Variants in FOXN3 observed in about 807,000 individuals in gnomAD.
The protein encoded by FOXN3 is forkhead box protein N3.
Under a neutral mutation model 38.4 loss-of-function variants are expected in FOXN3, and 7 were observed. The observed-to-expected ratio is 0.18, with a 90% CI of 0.10 to 0.34. The LOEUF is 0.34. Among genes scored for constraint, FOXN3 ranks in the 10% least tolerant of loss-of-function variants. The probability of loss-of-function intolerance (pLI) is 1.00; values close to 1 mark genes in which losing one functional copy is unlikely to be tolerated. For missense variants in FOXN3, 456 were observed against 613.4 expected (o/e 0.74, Z 2.71); for synonymous variants, 230 against 242.2 (o/e 0.95, Z 0.47).
At chr14:89,295,425 G>A (rs1035921877) in intron 3 of FOXN3, among the ~76,000 whole-genome samples, 1 of 152,100 alleles carries the variant, frequency 6.6e-6, no homozygotes, top group African/African-American at 2.4e-5. Context: ...CTTGGCAGAC[G>A]TCACGTGAGC....
chr14:89,360,698 T>TACCACCACCTCCACC (rs1889450780), intron 2 of FOXN3, among the ~76,000 whole-genome samples: 2 of 143,326 alleles, frequency 1.4e-5, no homozygotes, highest in Non-Finnish European at 3.1e-5. Context: ...CATCCTCAGC[T>TACCACCACCTCCACC]ACCACCACCT....
intron 4 of FOXN3, among the ~76,000 whole-genome samples, chr14:89,266,292 G>C (rs966496651): frequency 6.6e-6 from 1 of 152,154 alleles, no homozygotes; most frequent in Admixed American, 6.5e-5. Flanking sequence ...ACTTCTCACT[G>C]TGTCCTCACG....
At chr14:89,174,290 C>T (rs1887463350) in intron 5 of FOXN3, among the ~76,000 whole-genome samples, 1 of 152,058 alleles carries the variant, frequency 6.6e-6, no homozygotes, top group Non-Finnish European at 1.5e-5. Context: ...CTTCCAGCAG[C>T]CCTAGAATTC....
chr14:89,291,178 T>C, intron 3 of FOXN3: 1 of 476,316 alleles, frequency 2.1e-6, no homozygotes, highest in East Asian at 5.6e-5. Context: ...GGCACAGTTA[T>C]GCAGCCAAGG....
chr14:89,460,465 G>A (rs115502612), intron 1 of FOXN3, among the ~76,000 whole-genome samples: 34 of 152,272 alleles, frequency 2.2e-4, no homozygotes, highest in African/African-American at 4.8e-4. Flanking sequence ...GAGAAACACC[G>A]TCAGAGTGCA....
intron 3 of FOXN3, chr14:89,291,197 G>C: frequency 2.2e-6 from 1 of 449,336 alleles, no homozygotes; most frequent in Admixed American, 2.6e-5. Context: ...GGGCAGGGAG[G>C]CTTTTGCTGA....
intron 3 of FOXN3, among the ~76,000 whole-genome samples, chr14:89,298,796 T>C (rs530431792): frequency 6.6e-6 from 1 of 152,358 alleles, no homozygotes; most frequent in South Asian, 2.1e-4. Context: ...AGCTCAAGGA[T>C]TCTGAGATGT....
At chr14:89,526,831 A>C (rs958467718) in intron 1 of FOXN3, among the ~76,000 whole-genome samples, 1 of 152,224 alleles carries the variant, frequency 6.6e-6, no homozygotes, top group African/African-American at 2.4e-5. Context: ...CTTACAGTAC[A>C]TGACTTTAAG....
chr14:89,185,216 T>G (rs570737335), intron 4 of FOXN3, among the ~76,000 whole-genome samples: 2 of 152,326 alleles, frequency 1.3e-5, no homozygotes, highest in African/African-American at 4.8e-5. Flanking sequence ...GATGTGCTCG[T>G]GTTTGCTCAC....
intron 3 of FOXN3, among the ~76,000 whole-genome samples, chr14:89,293,706 C>T (rs1245695394): frequency 6.6e-6 from 1 of 152,160 alleles, no homozygotes; most frequent in Admixed American, 6.5e-5. Context: ...AGGGCACATT[C>T]TGAGGAACTG....
rs1894132971 is a variant in FOXN3 at position 89,513,241 on chromosome 14, C to T, written c.-14-100751G>A. Among the ~76,000 whole-genome samples, 3 of 151,740 alleles carry T rather than the reference C, an allele frequency of 2.0e-5. No individual in the cohort carries two copies. In the South Asian group the frequency reaches 6.2e-4, roughly 31 times the overall value. ...TTCCCAAATGTGATTTCCACAGTCC[C>T]ATCCTGTTTCTTTTCTTCCCTCTTT... On this transcript the variant is annotated intron_variant, in intron 1 of 6. Coordinates refer to the FOXN3 transcript ENST00000345097.
In FOXN3 at chr14:89,315,615, G is replaced by A. The variant is rs182566066; in HGVS notation, c.681-34601C>T. On this transcript the variant is annotated intron_variant, in intron 3 of 5. Coordinates refer to ENST00000557258, the MANE Select transcript of FOXN3 (RefSeq NM_005197.4). ...ACAGGCAGACCCCAGAATTGCTGTCGAACAGAATGAATATGCAGCTCAGAC... is the reference window on the plus strand; with the variant it reads ...ACAGGCAGACCCCAGAATTGCTGTCAAACAGAATGAATATGCAGCTCAGAC... Among the ~76,000 whole-genome samples the A allele has an allele frequency of 5.5e-4, 84 of 152,282 alleles. 1 individual carries two copies. Among genetic ancestry groups the A allele is most frequent in the African/African-American group, 1.9e-3 (80 of 41,550 alleles).
At chr14:89,386,277 T>C (rs1215573721) in intron 2 of FOXN3, among the ~76,000 whole-genome samples, 1 of 152,192 alleles carries the variant, frequency 6.6e-6, no homozygotes, top group Non-Finnish European at 1.5e-5. Context: ...AGAAATGAAA[T>C]ATAAGGCAAC....
chr14:89,412,762 G>A lies in FOXN3; in HGVS notation c.-14-272C>T, dbSNP rs559422919. Among the ~76,000 whole-genome samples the A allele has an allele frequency of 6.6e-6, 1 of 152,274 alleles. No individual in the cohort carries two copies. The highest frequency in any genetic ancestry group is 2.1e-4 in the South Asian group (1 of 4,824). On this transcript the variant is annotated intron_variant, in intron 1 of 5. Transcript: ENST00000557258. This position sits in a 1 kb window ranked among gnomAD's most constrained non-coding sequence, Gnocchi z 4.7. ...AAGACCAGTAACACCGGCCAGGCAC[G>A]GTGGCTCACGCCTGTAATCCCAGCA...
intron 4 of FOXN3, among the ~76,000 whole-genome samples, chr14:89,236,891 C>T (rs957921158): frequency 1.3e-5 from 2 of 152,222 alleles, no homozygotes; most frequent in African/African-American, 4.8e-5. Flanking sequence ...GAAATTCCAG[C>T]CACATGTACC....
chr14:89,381,214 A>G (rs542779146), intron 2 of FOXN3, among the ~76,000 whole-genome samples: 40 of 151,404 alleles, frequency 2.6e-4, no homozygotes, highest in Non-Finnish European at 4.9e-4. Context: ...GCCTCCTTCT[A>G]AGATAAATCA....
In FOXN3 at chr14:89,157,325, T is replaced by C. The variant is rs530434329; in HGVS notation, c.*5089A>G. On this transcript the variant is annotated 3_prime_UTR_variant, in exon 6 of 6. Coordinates refer to ENST00000557258, the MANE Select transcript of FOXN3 (RefSeq NM_005197.4). ...GTCAGTGAAGCTAGCACTTGTTTGC[T>C]GAACTGTGGAAGAACTGCAAGGTCA... 2.0e-3 allele frequency: 298 copies of C among 152,776 alleles called. 2 individuals are homozygous for C. The highest frequency in any genetic ancestry group is 6.9e-3 in the African/African-American group (287 of 41,580). 9.5% of individuals were successfully genotyped at this position (152,776 alleles called of 1,614,324 possible).
At chr14:89,441,922 C>CTTTTTTT (rs35118856) in intron 1 of FOXN3, among the ~76,000 whole-genome samples, 31 of 75,402 alleles carry the variant, frequency 4.1e-4, no homozygotes, top group African/African-American at 1.4e-3. Flanking sequence ...AACCGGCTGA[C>CTTTTTTT]TTTTTTTTTT....
chr14:89,210,629 C>A (rs1596105445), intron 4 of FOXN3, among the ~76,000 whole-genome samples: 2 of 152,326 alleles, frequency 1.3e-5, no homozygotes, highest in African/African-American at 4.8e-5. Context: ...TTAATTAACA[C>A]AAACAAGCCA....
Sources: gnomAD v4.1 joint callset for allele counts (sites outside exome capture counted in the v4.1 genomes callset) on GRCh38, gnomAD v4.1.1 for gene constraint, Gnocchi (gnomAD v3.1) non-coding constraint, MANE v1.5 for transcripts, NCBI Gene and HGNC (gene_info 2026-07-23, HGNC 2026-07-21) for gene names.